The following PTPRD variants were observed in gnomAD, a reference collection of about 807,000 sequenced individuals.
PTPRD encodes receptor-type tyrosine-protein phosphatase delta.
PTPRD carries 34 observed loss-of-function variants against 214.5 expected under a neutral mutation model. That is an observed-to-expected ratio of 0.16 (90% CI 0.12 to 0.21). The LOEUF (loss-of-function observed/expected upper bound fraction) is 0.21, where lower values mean the gene tolerates loss of function less well. PTPRD is among the 10% of genes least tolerant of loss of function. The pLI is 1.00. For missense variants in PTPRD, 2,545 were observed against 2,398.7 expected (o/e 1.06, Z -1.27); for synonymous variants, 1,128 against 845.7 (o/e 1.33, Z -5.79).
chr9:9,562,655 T>G (rs1373645989), intron 8 of PTPRD, among the ~76,000 whole-genome samples: 1 of 152,084 alleles, frequency 6.6e-6, no homozygotes, highest in Non-Finnish European at 1.5e-5. Flanking sequence ...TAGACCCCTC[T>G]CCTTCATGGT....
chr9:10,483,776 T>C (rs1442629423), intron 2 of PTPRD, among the ~76,000 whole-genome samples: 2 of 151,956 alleles, frequency 1.3e-5, no homozygotes, highest in East Asian at 1.9e-4. Flanking sequence ...CAAAAAACAA[T>C]AGATGTTGGC....
At chr9:9,569,776 C>T (rs1027905968) in intron 8 of PTPRD, among the ~76,000 whole-genome samples, 1 of 151,314 alleles carries the variant, frequency 6.6e-6, no homozygotes, top group Non-Finnish European at 1.5e-5. Flanking sequence ...GTGTGTAAAT[C>T]ATATAGAGTA....
At chr9:8,863,041 A>G (rs926281876) in intron 11 of PTPRD, among the ~76,000 whole-genome samples, 2 of 152,090 alleles carry the variant, frequency 1.3e-5, no homozygotes, top group African/African-American at 4.8e-5. Flanking sequence ...CAATGTGTAC[A>G]TGTACCCTAA....
chr9:10,170,253 G>C (rs903227235), intron 3 of PTPRD, among the ~76,000 whole-genome samples: 6 of 152,018 alleles, frequency 3.9e-5, no homozygotes, highest in African/African-American at 1.4e-4. Context: ...TTTTGCACAG[G>C]CCTCATTCTT....
intron 3 of PTPRD, among the ~76,000 whole-genome samples, chr9:10,248,468 G>C (rs570323348): frequency 7.4e-6 from 1 of 135,138 alleles, no homozygotes; most frequent in Non-Finnish European, 1.5e-5. Context: ...AACATGGATC[G>C]TGTTAAACAT....
At chr9:8,523,760 G>A (rs181527399) in intron 18 of PTPRD, among the ~76,000 whole-genome samples, 43 of 152,220 alleles carry the variant, frequency 2.8e-4, no homozygotes, top group Admixed American at 1.4e-3. Flanking sequence ...ATGGAAGAAG[G>A]TACACATGCC....
intron 11 of PTPRD, among the ~76,000 whole-genome samples, chr9:8,976,242 T>C (rs911876128): frequency 6.6e-6 from 1 of 152,058 alleles, no homozygotes; most frequent in African/African-American, 2.4e-5. Context: ...ATCACTACTG[T>C]TAGTTTTGAA....
chr9:10,188,604 T>C (rs987197042), intron 3 of PTPRD, among the ~76,000 whole-genome samples: 1 of 152,018 alleles, frequency 6.6e-6, no homozygotes, highest in Admixed American at 6.6e-5. Context: ...AAAACTGTCA[T>C]TCTCAACTCT....
At chr9:10,280,570 A>T (rs2095045094) in intron 3 of PTPRD, among the ~76,000 whole-genome samples, 1 of 152,132 alleles carries the variant, frequency 6.6e-6, no homozygotes, top group South Asian at 2.1e-4. Flanking sequence ...CCACTCCCAG[A>T]GTCTCTGATT....
chr9:9,858,894 T>G (rs1385877675), intron 5 of PTPRD, among the ~76,000 whole-genome samples: 1 of 152,258 alleles, frequency 6.6e-6, no homozygotes, highest in Middle Eastern at 3.4e-3. Context: ...AAACTGGAAC[T>G]CAGAGCAGAA....
rs117696675 is a variant in PTPRD, at chr9:10,148,511, T to C, written c.-544-114721A>G. Among the ~76,000 whole-genome samples the C allele has an allele frequency of 9.3e-3, 1,411 of 152,296 alleles. 15 individuals carry two copies. The highest frequency in any genetic ancestry group is 0.013 in the Non-Finnish European group (917 of 68,012). Reference sequence around the variant, plus strand: ...AAAATAATGGCATCACAGTATGCTATGTATCATTTCTCAAGAAGATACAAG... The same window carrying C: ...AAAATAATGGCATCACAGTATGCTACGTATCATTTCTCAAGAAGATACAAG... On this transcript the variant is annotated intron_variant, in intron 3 of 45. Coordinates refer to ENST00000381196, the MANE Select transcript of PTPRD (RefSeq NM_002839.4).
chr9:10,499,140 A>G (rs1414273580), intron 2 of PTPRD, among the ~76,000 whole-genome samples: 1 of 151,970 alleles, frequency 6.6e-6, no homozygotes, highest in African/African-American at 2.4e-5. Flanking sequence ...AGAAAATTCA[A>G]CAAGATTCAA....
At chr9:9,056,650 A>C (rs1362024381) in intron 10 of PTPRD, among the ~76,000 whole-genome samples, 2 of 152,148 alleles carry the variant, frequency 1.3e-5, no homozygotes, top group Admixed American at 1.3e-4. Context: ...CTGGGCAGTA[A>C]TGGTTTTTTG....
chr9:9,852,237 A>G (rs964377621), intron 5 of PTPRD, among the ~76,000 whole-genome samples: 9 of 152,172 alleles, frequency 5.9e-5, no homozygotes, highest in Non-Finnish European at 1.2e-4. Flanking sequence ...AGAAGAAAGT[A>G]GAAGAATCTT....
intron 10 of PTPRD, among the ~76,000 whole-genome samples, chr9:9,073,539 C>G (rs2099746859): frequency 6.6e-6 from 1 of 152,058 alleles, no homozygotes; most frequent in South Asian, 2.1e-4. Context: ...ATGAATGGGT[C>G]TCATTAAATT....
intron 12 of PTPRD, among the ~76,000 whole-genome samples, chr9:8,733,421 T>G (rs1411583827): frequency 6.6e-6 from 1 of 152,162 alleles, no homozygotes; most frequent in Non-Finnish European, 1.5e-5. Flanking sequence ...TAAAGAAATT[T>G]TGAGTGGGTC....
At chr9:9,421,347 TA>T (rs796378285) in intron 8 of PTPRD, among the ~76,000 whole-genome samples, 1 of 151,290 alleles carries the variant, frequency 6.6e-6, no homozygotes, top group Non-Finnish European at 1.5e-5. Flanking sequence ...GTCAAAATAA[TA>T]AAAAAATTAA....
intron 11 of PTPRD, among the ~76,000 whole-genome samples, chr9:8,802,627 TTC>T (rs1057444221): frequency 4.2e-4 from 64 of 152,336 alleles, no homozygotes; most frequent in African/African-American, 1.4e-3. Flanking sequence ...AGCTCCTTCC[TTC>T]TAGGTCAATT....
At chr9:8,915,250 A>T (rs1012026927) in intron 11 of PTPRD, among the ~76,000 whole-genome samples, 1 of 152,174 alleles carries the variant, frequency 6.6e-6, no homozygotes, top group East Asian at 1.9e-4. Context: ...CAACGTTTTG[A>T]AGAATCCACT....
Sources: gnomAD v4.1 joint callset for allele counts (sites outside exome capture counted in the v4.1 genomes callset) on GRCh38, gnomAD v4.1.1 for gene constraint, MANE v1.5 for transcripts, NCBI Gene and HGNC (gene_info 2026-07-23, HGNC 2026-07-21) for gene names.